MEIS3: variants seen among roughly 807,000 people sequenced by gnomAD.
The protein encoded by MEIS3 is Meis homeobox 3.
In MEIS3, 38 loss-of-function variants were observed where a neutral mutation model predicts 51.4. The ratio of observed to expected loss-of-function variants is 0.74; its 90% CI spans 0.57 to 0.97. The LOEUF is 0.97. Among genes scored for constraint, MEIS3 ranks in the 50% least tolerant of loss-of-function variants. MEIS3 has a pLI of 0.00. For missense variants in MEIS3, 456 were observed against 502.6 expected, an observed-to-expected ratio of 0.91 and a Z score of 0.89; for synonymous variants, 198 against 201.8, an observed-to-expected ratio of 0.98 and a Z score of 0.16.
chr19:47,410,346 G>T (rs532811575), intron 6 of MEIS3, among the ~76,000 whole-genome samples: 13 of 152,026 alleles, frequency 8.6e-5, no homozygotes, highest in African/African-American at 3.1e-4. Flanking sequence ...TACTCGGGAG[G>T]CTGAGGCGGG....
chr19:47,418,558 A>C (rs1371422103), intron 1 of MEIS3: 1 of 151,278 alleles, frequency 6.6e-6, no homozygotes, highest in African/African-American at 2.4e-5. Flanking sequence ...CCCCTGTCCC[A>C]CTCCTAGCCC....
intron 8 of MEIS3, among the ~76,000 whole-genome samples, chr19:47,408,888 C>T (rs1970977076): frequency 6.6e-6 from 1 of 152,024 alleles, no homozygotes. Flanking sequence ...TCGGGGAGGA[C>T]TTAGTGAGTT....
chr19:47,407,488 G>C, intron 8 of MEIS3, 60 bp from the exon 9 acceptor site: 1 of 1,612,846 alleles, frequency 6.2e-7, no homozygotes, highest in African/African-American at 1.3e-5. Context: ...GAACCCCAAG[G>C]TCTGGCCCAC....
chr19:47,417,998 G>C, intron 1 of MEIS3: 1 of 436,256 alleles, frequency 2.3e-6, no homozygotes, highest in Non-Finnish European at 4.1e-6. Flanking sequence ...GAGACATTTG[G>C]CACATGGATG....
chr19:47,414,971 G>A (rs1420719317), intron 5 of MEIS3, 80 bp downstream of exon 5: 1 of 1,131,084 alleles, frequency 8.8e-7, no homozygotes, highest in Non-Finnish European at 1.3e-6. Flanking sequence ...GGAGAGAGCT[G>A]GAAGGTGGGG....
In MEIS3 at chr19:47,417,265, C is replaced by T. The variant is rs759420761; in HGVS notation, c.98G>A (p.Gly33Glu). Residue 33 changes from glycine (G) to glutamate (E), a missense_variant, in exon 2 of 13, where the codon GGG becomes GAG. Transcript: ENST00000558555. ...GGGAGGCCGGTGCGGGCCATAGGGC[C>T]CTGGTACTGCGGGCACTGTCTCTGG... ...SFPETVPAVP[G>E]PYGPHRPPQP... The T allele has an allele frequency of 1.7e-5, 28 of 1,612,614 alleles. No individual in the cohort carries two copies. Among genetic ancestry groups the T allele is most frequent in the Middle Eastern group, 1.6e-4 (1 of 6,070 alleles).
chr19:47,420,910 T>TCTCACACACA (rs1457117398), upstream of MEIS3, among the ~76,000 whole-genome samples: 83 of 70,778 alleles, frequency 1.2e-3, 1 homozygote, highest in East Asian at 2.6e-3. Context: ...TCTCTCTCTC[T>TCTCACACACA]CACACACACA....
upstream of MEIS3, among the ~76,000 whole-genome samples, chr19:47,420,909 C>CA (rs2122589124): frequency 1.2e-5 from 1 of 81,182 alleles, no homozygotes; most frequent in South Asian, 4.5e-4. Flanking sequence ...CTCTCTCTCT[C>CA]TCACACACAC....
rs761624183 is a variant in MEIS3 at position 47,416,623 on chromosome 19, G to A, written c.396+29C>T. 2.7e-6 allele frequency: 4 copies of A among 1,489,950 alleles called. No individual in the cohort carries two copies. The South Asian group carries it at 3.8e-5, about 14-fold the overall frequency. The allele number at this position is 1,489,950 out of a possible 1,614,324, so 92.3% of individuals were successfully genotyped here. On this transcript the variant is annotated intron_variant, in intron 4 of 12. Transcript: ENST00000558555. ...TCAGGGAAGGAGACCCATTGGAGGA[G>A]GGGGTGTGGGGGAGGGCTCGGGTCT...
rs61519077 is a variant in MEIS3 at position 47,413,821 on chromosome 19, G to A, written c.597+896C>T. 8.1e-3 allele frequency among the ~76,000 whole-genome samples: 1,230 copies of A among 151,090 alleles called. 11 individuals are homozygous for A. The highest frequency in any genetic ancestry group is 0.026 in the African/African-American group (1,081 of 41,088). On this transcript the variant is annotated intron_variant, in intron 6 of 12. Coordinates refer to ENST00000558555, the MANE Select transcript of MEIS3 (RefSeq NM_001301059.2). ...TGGCTGACTGCAAGCTCCACCTCCC[G>A]GGTTCATGCCATTCTCCTGCCTCAG... is the stretch of plus-strand genomic sequence containing the variant.
intron 6 of MEIS3, among the ~76,000 whole-genome samples, chr19:47,412,616 C>T (rs1250325317): frequency 6.6e-6 from 1 of 152,120 alleles, no homozygotes; most frequent in Non-Finnish European, 1.5e-5. Context: ...GGCTGAAGTG[C>T]AATAGCGCGA....
At chr19:47,415,719 G>A (rs1192432927) in intron 4 of MEIS3, among the ~76,000 whole-genome samples, 4 of 151,692 alleles carry the variant, frequency 2.6e-5, no homozygotes, top group Admixed American at 2.6e-4. Context: ...GACTACAGGC[G>A]TGCACCACTG....
chr19:47,417,925 A>T, intron 1 of MEIS3: 1 of 566,288 alleles, frequency 1.8e-6, no homozygotes, highest in African/African-American at 2.0e-5. Context: ...CCCCCCCCCC[A>T]CACACACATG....
chr19:47,408,970 C>A, intron 8 of MEIS3, 129 bp downstream of exon 8: 1 of 1,062,528 alleles, frequency 9.4e-7, no homozygotes, highest in East Asian at 2.4e-5. Flanking sequence ...TCTCCACCTC[C>A]ATGAGAGTCT....
chr19:47,407,267 C>A, intron 9 of MEIS3, 85 bp downstream of exon 9: 2 of 1,513,750 alleles, frequency 1.3e-6, no homozygotes, highest in Non-Finnish European at 8.9e-7. Flanking sequence ...AGTGGCTCTG[C>A]GGGGCTCGGG....
chr19:47,417,325 C>A lies in MEIS3; in HGVS notation c.38G>T (p.Gly13Val). Residue 13 changes from glycine to valine, a missense_variant, in exon 2 of 13, where the codon GGC (glycine) becomes GTC (valine). Gly to Val is a moderately radical substitution (Grantham distance 109). Transcript: ENST00000558555. ...RRYDELPHYPGIVDGPAALAS... is the reference protein window; with the variant it reads ...RRYDELPHYPVIVDGPAALAS... ...CAGGGCTGCGGGGCCATCCACGATG[C>A]CTGGGTAGTGCGGCAGCTCATCATA... 2.5e-6 allele frequency: 4 copies of A among 1,613,546 alleles called. No individual in the cohort carries two copies. The highest frequency in any genetic ancestry group is 3.4e-6 in the Non-Finnish European group (4 of 1,179,840).
rs532703487 is a variant in MEIS3, at chr19:47,410,690, T to C, written c.598-1143A>G. ...CTGAGGCAGGAGAATGGCATGAACC[T>C]GGGAGGCAGAACTTGCAGTGAGCCG... On this transcript the variant is annotated intron_variant, in intron 6 of 12. Transcript: ENST00000558555. Among the ~76,000 whole-genome samples, 567 of 151,760 alleles carry C rather than the reference T, an allele frequency of 3.7e-3. 2 individuals carry two copies. Among genetic ancestry groups the C allele is most frequent in the Non-Finnish European group, 5.6e-3 (379 of 67,890 alleles).
At position 47,406,852 on chromosome 19, in the gene MEIS3, G is replaced by T. The variant is rs192490310; in HGVS notation, c.1078+36C>A. ...TTGTTTTACAGGTGGGTCATGGTGC[G>T]CAGGGGCGGGGCCTAGCTAAGGGGG... is the stretch of plus-strand genomic sequence containing the variant. On this transcript the variant is annotated intron_variant, in intron 11 of 12. Transcript: ENST00000558555. The T allele has an allele frequency of 1.1e-5, 17 of 1,528,634 alleles. No homozygotes were observed. In the Admixed American group the frequency reaches 1.2e-4, roughly 11 times the overall value. The allele number at this position is 1,528,634 out of a possible 1,614,324, so 94.7% of individuals were successfully genotyped here. A position where few individuals can be genotyped will look rare whatever the true frequency, so the allele number is the denominator to read the frequency against.
In MEIS3 at chr19:47,406,975, C is replaced by T. The variant is rs888878957; in HGVS notation, c.995-4G>A. ...GGGCTGAAGGCTGCACCCTGCCCTGCGAAGGGGGTTCAGAGGTGCAGGCTG... is the reference window on the plus strand; with the variant it reads ...GGGCTGAAGGCTGCACCCTGCCCTGTGAAGGGGGTTCAGAGGTGCAGGCTG... On this transcript the variant is annotated splice_polypyrimidine_tract_variant and splice_region_variant and intron_variant, in intron 10 of 12. Transcript: ENST00000558555. 6.3e-7 allele frequency: 1 copy of T among 1,574,936 alleles called. No homozygotes were observed. Among genetic ancestry groups the T allele is most frequent in the Non-Finnish European group, 8.6e-7 (1 of 1,160,384 alleles).
Sources: gnomAD v4.1 joint callset for allele counts (sites outside exome capture counted in the v4.1 genomes callset) on GRCh38, gnomAD v4.1.1 for gene constraint, MANE v1.5 for transcripts, NCBI Gene and HGNC (gene_info 2026-07-23, HGNC 2026-07-21) for gene names.